The following ARFGAP3 variants were observed in gnomAD, a reference collection of about 807,000 sequenced individuals.
The protein encoded by ARFGAP3 is ARF GTPase activating protein 3, also known as ADP-ribosylation factor GTPase-activating protein 3.
A neutral mutation model predicts 75.0 loss-of-function variants in ARFGAP3; 72 were observed. The observed-to-expected ratio is 0.96, with a 90% confidence interval of 0.79 to 1.17. The LOEUF is 1.17. Ranked by LOEUF, ARFGAP3 falls within the 50% of genes most tolerant of loss-of-function variation. The pLI is 0.00. For synonymous variants in ARFGAP3, 221 were observed against 217.9 expected, an observed-to-expected ratio of 1.01 and a Z score of -0.13; for missense variants, 620 against 626.6, an observed-to-expected ratio of 0.99 and a Z score of 0.11.
chr22:42,811,382 A>T (rs977950906), intron 11 of ARFGAP3, among the ~76,000 whole-genome samples: 1 of 152,232 alleles, frequency 6.6e-6, no homozygotes, highest in African/African-American at 2.4e-5. Context: ...CAGACAACAC[A>T]GGGCATCTTT....
chr22:42,811,538 A>G (rs1184595690), intron 11 of ARFGAP3, among the ~76,000 whole-genome samples: 1 of 152,240 alleles, frequency 6.6e-6, no homozygotes, highest in South Asian at 2.1e-4. Context: ...TGTTAAGCAC[A>G]TTCAATGAAA....
intron 1 of ARFGAP3, among the ~76,000 whole-genome samples, chr22:42,849,714 C>T (rs139137469): frequency 6.6e-6 from 1 of 152,118 alleles, no homozygotes; most frequent in East Asian, 1.9e-4. Flanking sequence ...GTGTATGCCA[C>T]CGTGCCCAGA....
intron 13 of ARFGAP3, among the ~76,000 whole-genome samples, chr22:42,807,838 C>T (rs925882059): frequency 6.7e-6 from 1 of 149,506 alleles, no homozygotes; most frequent in African/African-American, 2.5e-5. Context: ...CACTCTGCTT[C>T]TGGGTTCGAG....
intron 3 of ARFGAP3, among the ~76,000 whole-genome samples, chr22:42,837,482 G>A (rs1046095450): frequency 2.6e-5 from 4 of 151,640 alleles, no homozygotes; most frequent in African/African-American, 9.7e-5. Context: ...CTTGTTGTGC[G>A]TGGTGGTACT....
intron 14 of ARFGAP3, among the ~76,000 whole-genome samples, chr22:42,801,397 A>C (rs1036856033): frequency 6.6e-6 from 1 of 152,214 alleles, no homozygotes; most frequent in Non-Finnish European, 1.5e-5. Flanking sequence ...CTGAGCTAAC[A>C]ACCACCCACA....
chr22:42,849,724 A>AT (rs575599256), intron 1 of ARFGAP3, among the ~76,000 whole-genome samples: 64 of 146,028 alleles, frequency 4.4e-4, no homozygotes, highest in African/African-American at 1.1e-3. Flanking sequence ...CCGTGCCCAG[A>AT]TTTTTTTTTT....
In ARFGAP3 at chr22:42,837,638, A is replaced by C. The variant is rs562330115; in HGVS notation, c.262-2145T>G. On this transcript the variant is annotated intron_variant, in intron 3 of 15. Transcript: ENST00000263245. ...TCTATCTCAAAAAAAAAAAAAAAAAAACCAAAAAAAAGCCTTGAAACATCT... is the reference window on the plus strand; with the variant it reads ...TCTATCTCAAAAAAAAAAAAAAAAACACCAAAAAAAAGCCTTGAAACATCT... Among the ~76,000 whole-genome samples, 37 of 133,324 alleles carry C rather than the reference A, an allele frequency of 2.8e-4. No individual in the cohort carries two copies. The South Asian group carries it at 7.6e-3, about 27-fold the overall frequency. The allele number at this position is 133,324 out of a possible 152,430, so 87.5% of individuals were successfully genotyped here. A position where few individuals can be genotyped will look rare whatever the true frequency, so the allele number is the denominator to read the frequency against.
At position 42,810,917 on chromosome 22, in the gene ARFGAP3, C is replaced by T. The variant is rs780906279; in HGVS notation, c.1092G>A (p.Arg364=). 4 of 1,614,086 alleles carry T rather than the reference C, an allele frequency of 2.5e-6. No homozygotes were observed. Among genetic ancestry groups the T allele is most frequent in the Admixed American group, 1.7e-5 (1 of 60,000 alleles). The part of the protein sequence containing the change: ...SSYFDEPVEL[R]SSSFSSWDDS... ...CATCCCAGCTAGAGAAAGAACTGCT[C>T]CTTAACTCCACTGGCTCGTCAAAGT... is the stretch of plus-strand genomic sequence containing the variant. Residue 364 remains arginine, a synonymous_variant, in exon 12 of 16, where the codon AGG becomes AGA. Coordinates refer to ENST00000263245, the MANE Select transcript of ARFGAP3 (RefSeq NM_014570.5).
chr22:42,853,679 T>G (rs1043069089), intron 1 of ARFGAP3: 2 of 171,666 alleles, frequency 1.2e-5, no homozygotes, highest in African/African-American at 4.8e-5. Context: ...CCTGCTCCAA[T>G]GCCAACTGGT....
intron 5 of ARFGAP3, among the ~76,000 whole-genome samples, chr22:42,832,997 A>G (rs1396458406): frequency 1.3e-5 from 2 of 152,138 alleles, no homozygotes; most frequent in African/African-American, 2.4e-5. Context: ...TAAAAAAAAA[A>G]AAAAAGAAAG....
rs1927081912 is a variant in ARFGAP3, at chr22:42,847,717, A to C, written c.70-85T>G. On this transcript the variant is annotated intron_variant, in intron 1 of 15. Coordinates refer to ENST00000263245, the MANE Select transcript of ARFGAP3 (RefSeq NM_014570.5). ...AGATACAGTAAATGACTTAGCTTGA[A>C]AACTGTTTAACCTTTACAATGTAAA... 4.7e-6 allele frequency: 7 copies of C among 1,502,298 alleles called. No individual in the cohort carries two copies. In the South Asian group the frequency reaches 7.8e-5, roughly 17 times the overall value. The allele number at this position is 1,502,298 out of a possible 1,614,324, so 93.1% of individuals were successfully genotyped here. A position where few individuals can be genotyped will look rare whatever the true frequency, so the allele number is the denominator to read the frequency against.
At position 42,840,944 on chromosome 22, in the gene ARFGAP3, T is replaced by C. The variant is rs1926754042; in HGVS notation, c.261A>G (p.Ala87=). The part of the protein sequence containing the change: ...RCMQVGGNAS[A]SSFFHQHGCS... ...AATGACGAGTTTGAGATGAACTTAC[T>C]GCACTAGCGTTTCCTCCGACTTGCA... Residue 87 remains alanine (A), a splice_region_variant and synonymous_variant, in exon 3 of 16, where the codon GCA becomes GCG. Transcript: ENST00000263245. 3 of 1,613,830 alleles carry C rather than the reference T, an allele frequency of 1.9e-6. No homozygotes were observed. The highest frequency in any genetic ancestry group is 2.2e-5 in the East Asian group (1 of 44,886).
intron 7 of ARFGAP3, among the ~76,000 whole-genome samples, chr22:42,825,610 G>A (rs1186272693): frequency 2.6e-5 from 4 of 151,624 alleles, no homozygotes; most frequent in African/African-American, 7.3e-5. Flanking sequence ...AGGAGGCACC[G>A]GGAGGCAGAG....
intron 1 of ARFGAP3, among the ~76,000 whole-genome samples, chr22:42,847,950 T>C (rs5758980): frequency 0.65 from 98,451 of 150,910 alleles, 33,874 homozygotes; most frequent in African/African-American, 0.87. Flanking sequence ...CTGTAACCTC[T>C]GCTTTCCAGG....
intron 6 of ARFGAP3, among the ~76,000 whole-genome samples, chr22:42,828,931 C>T (rs1449600008): frequency 2.6e-5 from 4 of 152,124 alleles, no homozygotes; most frequent in Non-Finnish European, 4.4e-5. Context: ...GTGATCCACC[C>T]GCCTCAGCCA....
At chr22:42,839,836 CT>C (rs1254210536) in intron 3 of ARFGAP3, among the ~76,000 whole-genome samples, 1 of 152,100 alleles carries the variant, frequency 6.6e-6, no homozygotes, top group South Asian at 2.1e-4. Flanking sequence ...CTGACTGCCC[CT>C]GTCTATAAGA....
Position 42,848,784 on chromosome 22 carries a change from GAAACCC to G in ARFGAP3, c.70-1158_70-1153del, listed in dbSNP as rs1265783219. Among the ~76,000 whole-genome samples the G allele has an allele frequency of 2.6e-5, 4 of 152,170 alleles. No homozygotes were observed. In the East Asian group the frequency reaches 7.7e-4, roughly 29 times the overall value. On this transcript the variant is annotated intron_variant, in intron 1 of 15. Transcript: ENST00000263245. Reference sequence around the variant, plus strand: ...AGCCAGACTCCAAGATGGCCCCAGTGAAACCCACCTCCTGGTATTTGCATCCCGTGT... The same window carrying G: ...AGCCAGACTCCAAGATGGCCCCAGTGACCTCCTGGTATTTGCATCCCGTGT...
intron 8 of ARFGAP3, 118 bp downstream of exon 8, chr22:42,823,538 T>C: frequency 1.4e-6 from 1 of 712,660 alleles, no homozygotes; most frequent in South Asian, 2.0e-5. Context: ...AGACTCCTTA[T>C]ATCAAAGCTA....
chr22:42,854,259 T>C (rs1240753770), intron 1 of ARFGAP3, among the ~76,000 whole-genome samples: 1 of 152,202 alleles, frequency 6.6e-6, no homozygotes, highest in African/African-American at 2.4e-5. Flanking sequence ...TGAATACTTG[T>C]TGAATGAATA....
Sources: gnomAD v4.1 joint callset for allele counts (sites outside exome capture counted in the v4.1 genomes callset) on GRCh38, gnomAD v4.1.1 for gene constraint, MANE v1.5 for transcripts, NCBI Gene and HGNC (gene_info 2026-07-23, HGNC 2026-07-21) for gene names.